NTRK2: variants seen among roughly 807,000 people sequenced by gnomAD.
NTRK2 encodes the protein BDNF/NT-3 growth factors receptor.
Under a neutral mutation model 94.5 loss-of-function variants are expected in NTRK2, and 13 were observed. The ratio of observed to expected loss-of-function variants is 0.14; its 90% CI spans 0.09 to 0.22. The LOEUF is 0.22. NTRK2 is among the 10% of genes least tolerant of loss of function. The pLI, the probability that NTRK2 is intolerant of heterozygous loss-of-function variation, is 1.00. For missense variants in NTRK2, 639 were observed against 1,071.2 expected (o/e 0.60, Z 5.63); for synonymous variants, 372 against 407.4 (o/e 0.91, Z 1.05).
intron 12 of NTRK2, among the ~76,000 whole-genome samples, chr9:84,797,675 T>A (rs1406058225): frequency 4.3e-5 from 3 of 70,582 alleles, no homozygotes; most frequent in Admixed American, 2.5e-4. Flanking sequence ...TATTATATAT[T>A]ATATATACTA....
chr9:84,808,981 C>T (rs573578508), intron 12 of NTRK2, among the ~76,000 whole-genome samples: 27 of 152,200 alleles, frequency 1.8e-4, no homozygotes, highest in Middle Eastern at 3.4e-3. Context: ...GAAAATGTCT[C>T]GGAGATTTCT....
At chr9:84,843,060 C>G (rs2074270736) in intron 12 of NTRK2, among the ~76,000 whole-genome samples, 1 of 152,152 alleles carries the variant, frequency 6.6e-6, no homozygotes, top group Non-Finnish European at 1.5e-5. Flanking sequence ...CACCTCAGTT[C>G]CCTCCTGTAG....
At chr9:84,857,338 GC>G (rs917993903) in intron 12 of NTRK2, among the ~76,000 whole-genome samples, 8 of 152,154 alleles carry the variant, frequency 5.3e-5, no homozygotes, top group Non-Finnish European at 8.8e-5. Flanking sequence ...TTTTGAAGGA[GC>G]CCTTTATTTT....
At position 84,870,329 on chromosome 9, in the gene NTRK2, G is replaced by GTATATATATATATA. The variant is rs1249656013; in HGVS notation, c.1633+2899_1633+2900insATATATATATATAT. On this transcript the variant is annotated intron_variant, in intron 14 of 18. Transcript: ENST00000277120. ...ATATACATATATGTGGGGTGTGTGTGTGTATATATATATATATATATATAT... is the reference window on the plus strand; with the variant it reads ...ATATACATATATGTGGGGTGTGTGTGTATATATATATATATGTATATATATATATATATATATAT... Among the ~76,000 whole-genome samples the GTATATATATATATA allele has an allele frequency of 2.3e-3, 48 of 20,552 alleles. 1 individual carries two copies. The highest frequency in any genetic ancestry group is 5.3e-3 in the Non-Finnish European group (41 of 7,762). 13.5% of individuals were successfully genotyped at this position (20,552 alleles called of 152,430 possible). A position where few individuals can be genotyped will look rare whatever the true frequency, so the allele number is the denominator to read the frequency against.
chr9:84,868,199 G>A (rs1200360001), intron 14 of NTRK2, among the ~76,000 whole-genome samples: 1 of 152,132 alleles, frequency 6.6e-6, no homozygotes, highest in African/African-American at 2.4e-5. Context: ...TGAATAAGGG[G>A]CCGTGAGGGC....
intron 12 of NTRK2, among the ~76,000 whole-genome samples, chr9:84,755,137 G>T (rs1009857602): frequency 2.6e-5 from 4 of 152,192 alleles, no homozygotes; most frequent in Admixed American, 2.6e-4. Flanking sequence ...AGTGAAACTT[G>T]GATTTGTAAA....
intron 2 of NTRK2, among the ~76,000 whole-genome samples, chr9:84,695,472 T>G (rs1034974317): frequency 3.3e-5 from 5 of 152,200 alleles, no homozygotes; most frequent in Non-Finnish European, 5.9e-5. Context: ...TCTCTAAAAT[T>G]ACCTCTTTTC....
At chr9:84,755,108 T>C (rs1350421640) in intron 12 of NTRK2, among the ~76,000 whole-genome samples, 2 of 152,204 alleles carry the variant, frequency 1.3e-5, no homozygotes, top group Non-Finnish European at 2.9e-5. Flanking sequence ...GGAGGTGATT[T>C]CTAAATTCCA....
In NTRK2 at chr9:84,811,736, G is replaced by A. The variant is rs958133715; in HGVS notation, c.1397-49304G>A. The stretch of plus-strand genomic sequence containing the variant: ...CGCTAATGAATATATGCTTTATAAT[G>A]TCCTTCTTCATTGCTGAGAGGGCAG... On this transcript the variant is annotated intron_variant, in intron 12 of 18. Coordinates refer to ENST00000277120, the MANE Select transcript of NTRK2 (RefSeq NM_006180.6). The A allele has an allele frequency of 1.2e-5, 13 of 1,065,440 alleles. No homozygotes were observed. The African/African-American group carries it at 2.1e-4, about 17-fold the overall frequency. The allele number at this position is 1,065,440 out of a possible 1,614,324, so 66.0% of individuals were successfully genotyped here.
chr9:85,008,458 G>A (rs1310351158), intron 17 of NTRK2, among the ~76,000 whole-genome samples: 1 of 152,116 alleles, frequency 6.6e-6, no homozygotes, highest in Non-Finnish European at 1.5e-5. Context: ...GTATAAACAC[G>A]AATGTGTTGA....
chr9:84,865,844 C>T (rs12000339), intron 13 of NTRK2, among the ~76,000 whole-genome samples: 1 of 152,106 alleles, frequency 6.6e-6, no homozygotes, highest in Admixed American at 6.5e-5. Flanking sequence ...TGTGCACCTC[C>T]CACGTAGACA....
intron 12 of NTRK2, among the ~76,000 whole-genome samples, chr9:84,837,114 A>G (rs1205926129): frequency 6.6e-6 from 1 of 151,870 alleles, no homozygotes; most frequent in Non-Finnish European, 1.5e-5. Context: ...ATAAGAAGAA[A>G]TGTTACTTGT....
rs2075943830 is a variant in NTRK2, at chr9:84,873,385, T to C, written c.1633+5954T>C. 4 of 1,057,696 alleles carry C rather than the reference T, an allele frequency of 3.8e-6. No homozygotes were observed. The Admixed American group carries it at 2.2e-4, about 57-fold the overall frequency. 65.5% of individuals were successfully genotyped at this position (1,057,696 alleles called of 1,614,324 possible). ...GAGAATGCACTTATTTTAGGATCCT[T>C]AAAAATTGCTTCTTTTATGGCACAC... On this transcript the variant is annotated intron_variant, in intron 14 of 18. Transcript: ENST00000277120.
intron 2 of NTRK2, among the ~76,000 whole-genome samples, chr9:84,675,324 CTTTTTTTTTTTTTT>C (rs536445167): frequency 1.9e-4 from 13 of 67,322 alleles, no homozygotes; most frequent in South Asian, 7.2e-4. Flanking sequence ...TCTTTCTTTC[CTTTTTTTTTTTTTT>C]TTTTTTTTTT....
At chr9:84,870,233 CATAT>C (rs1390082362) in intron 14 of NTRK2, among the ~76,000 whole-genome samples, 1 of 137,046 alleles carries the variant, frequency 7.3e-6, no homozygotes, top group African/African-American at 2.7e-5. Context: ...GGTATGTGTA[CATAT>C]ATAAGTATAT....
chr9:84,779,732 G>T (rs570794607), intron 12 of NTRK2, among the ~76,000 whole-genome samples: 1 of 152,274 alleles, frequency 6.6e-6, no homozygotes, highest in African/African-American at 2.4e-5. Context: ...CTCCTCAACT[G>T]TTCAAGATCA....
At chr9:84,701,533 G>T (rs368130190) in intron 2 of NTRK2, among the ~76,000 whole-genome samples, 7 of 152,172 alleles carry the variant, frequency 4.6e-5, no homozygotes, top group East Asian at 3.9e-4. Flanking sequence ...CTTAGGGGGT[G>T]GGGGAGGGAG....
At chr9:84,673,984 G>C (rs1337329374) in intron 2 of NTRK2, among the ~76,000 whole-genome samples, 1 of 152,254 alleles carries the variant, frequency 6.6e-6, no homozygotes, top group Non-Finnish European at 1.5e-5. Context: ...AGTGAAGCCT[G>C]TTGTTGGAAT....
intron 14 of NTRK2, among the ~76,000 whole-genome samples, chr9:84,930,345 T>C (rs1452600242): frequency 1.3e-5 from 2 of 151,848 alleles, no homozygotes; most frequent in Non-Finnish European, 1.5e-5. Flanking sequence ...AAGGCACTGG[T>C]AGGGTGGAGA....
Sources: allele counts gnomAD v4.1 joint callset (sites outside exome capture counted in the v4.1 genomes callset), GRCh38; gene constraint gnomAD v4.1.1; transcripts MANE v1.5; gene names NCBI Gene and HGNC (gene_info 2026-07-23, HGNC 2026-07-21).